ACTN2: variants seen among roughly 807,000 people sequenced by gnomAD.
ACTN2 encodes the protein actinin alpha 2.
Under a neutral mutation model 113.8 loss-of-function variants are expected in ACTN2, and 39 were observed. The ratio of observed to expected loss-of-function variants is 0.34; its 90% confidence interval spans 0.27 to 0.45. The LOEUF (loss-of-function observed/expected upper bound fraction) is 0.45, where lower values mean the gene tolerates loss of function less well. Ranked by LOEUF, ACTN2 falls within the 20% of genes least tolerant of loss-of-function variation. ACTN2 has a pLI of 1.00. For synonymous variants in ACTN2, 429 were observed against 444.1 expected (o/e 0.97, Z 0.43); for missense variants, 992 against 1,177.9 (o/e 0.84, Z 2.31).
chr1:236,701,250 C>CT (rs1033832530), intron 1 of ACTN2, among the ~76,000 whole-genome samples: 1 of 151,608 alleles, frequency 6.6e-6, no homozygotes, highest in South Asian at 2.1e-4. Context: ...ACCCAAGTGA[C>CT]TTTTTTTTTC....
At chr1:236,697,757 G>A (rs1657555201) in intron 1 of ACTN2, among the ~76,000 whole-genome samples, 1 of 142,676 alleles carries the variant, frequency 7.0e-6, no homozygotes, top group South Asian at 2.2e-4. Flanking sequence ...CACGAAACAA[G>A]TTCTTTTTTT....
At chr1:236,734,612 C>T (rs556689357) in intron 7 of ACTN2, 36 of 876,142 alleles carry the variant, frequency 4.1e-5, no homozygotes, top group South Asian at 7.1e-5. Context: ...CCCTCTCCTC[C>T]GAGTAAGGAG....
At chr1:236,734,638 G>C (rs1658812765) in intron 7 of ACTN2, 2 of 686,524 alleles carry the variant, frequency 2.9e-6, no homozygotes, top group Admixed American at 3.1e-5. Flanking sequence ...CTGGTTCCCA[G>C]GAGGCAGTTG....
Position 236,761,044 on chromosome 1 carries a change from C to G in ACTN2, c.2397C>G (p.Thr799=). The change falls in exon 20 of 21, where the codon ACC becomes ACG. Residue 799 remains threonine (T), a synonymous_variant. Transcript: ENST00000366578. ...LGEAEFARIM[T]LVDPNGQGTV... is the part of the protein sequence containing the mutation. The stretch of plus-strand genomic sequence containing the variant: ...AAGCCGAATTTGCCCGCATTATGAC[C>G]CTGGTAGATCCCAACGGGCAAGGCA... 6.2e-7 allele frequency: 1 copy of G among 1,614,162 alleles called. No homozygotes were observed. The highest frequency in any genetic ancestry group is 1.1e-5 in the South Asian group (1 of 91,076).
intron 1 of ACTN2, among the ~76,000 whole-genome samples, chr1:236,712,794 A>G (rs1658068895): frequency 6.6e-6 from 1 of 152,196 alleles, no homozygotes; most frequent in Non-Finnish European, 1.5e-5. Context: ...TGTATTATGA[A>G]GAGATTTAAA....
chr1:236,725,551 C>T (rs575495547), intron 4 of ACTN2, among the ~76,000 whole-genome samples: 5 of 152,136 alleles, frequency 3.3e-5, no homozygotes, highest in Non-Finnish European at 7.4e-5. Context: ...CTTTTGAACC[C>T]GGGAGGCAGA....
intron 4 of ACTN2, among the ~76,000 whole-genome samples, chr1:236,724,838 C>CTTTTT (rs5781922): frequency 2.2e-4 from 18 of 81,628 alleles, no homozygotes; most frequent in African/African-American, 6.3e-4. Context: ...TGGGTTTTTC[C>CTTTTT]TTTTTTTTTT....
chr1:236,727,480 C>G (rs1054095631), intron 5 of ACTN2, among the ~76,000 whole-genome samples, 198 bp from the exon 6 acceptor site: 1 of 151,916 alleles, frequency 6.6e-6, no homozygotes, highest in South Asian at 2.1e-4. Flanking sequence ...GCAAGGAAGT[C>G]AAAAGGAGAG....
intron 18 of ACTN2, 96 bp downstream of exon 18, chr1:236,757,728 A>G: frequency 6.7e-7 from 1 of 1,488,450 alleles, no homozygotes; most frequent in South Asian, 1.1e-5. Flanking sequence ...TTAAGGCTCC[A>G]CAACATTTAC....
intron 1 of ACTN2, among the ~76,000 whole-genome samples, chr1:236,709,175 A>G (rs1197858863): frequency 1.4e-5 from 2 of 141,898 alleles, no homozygotes; most frequent in East Asian, 2.1e-4. Context: ...TCTCCTCTCA[A>G]TAATCTTTTG....
rs367772753 is a variant in ACTN2, at chr1:236,690,423, TCA to T, written c.126+3625_126+3626del. Among the ~76,000 whole-genome samples, 6 of 152,328 alleles carry T rather than the reference TCA, an allele frequency of 3.9e-5. No homozygotes were observed. The East Asian group carries it at 1.2e-3, about 29-fold the overall frequency. On this transcript the variant is annotated intron_variant, in intron 1 of 20. Transcript: ENST00000366578. ...ATTAACAGAAAGCTTGTGACATTTCTCAGATTCATGAGACCCAGATGAGTCGA... is the reference window on the plus strand; with the variant it reads ...ATTAACAGAAAGCTTGTGACATTTCTGATTCATGAGACCCAGATGAGTCGA...
intron 1 of ACTN2, among the ~76,000 whole-genome samples, chr1:236,713,097 A>T (rs1462437155): frequency 1.3e-5 from 2 of 152,106 alleles, no homozygotes; most frequent in Admixed American, 6.6e-5. Flanking sequence ...CAACCCAAAT[A>T]TTCGTTCATA....
intron 1 of ACTN2, among the ~76,000 whole-genome samples, chr1:236,708,741 C>G (rs536317942): frequency 6.6e-6 from 1 of 152,250 alleles, no homozygotes; most frequent in African/African-American, 2.4e-5. Context: ...TGTAGTGAAC[C>G]AGTATGTTCT....
chr1:236,721,376 C>T (rs1483623461), intron 4 of ACTN2, among the ~76,000 whole-genome samples: 3 of 152,034 alleles, frequency 2.0e-5, no homozygotes, highest in Non-Finnish European at 4.4e-5. Flanking sequence ...CAACACTTTG[C>T]CTACTTGTAC....
At chr1:236,709,255 T>TATACAC (rs796606511) in intron 1 of ACTN2, among the ~76,000 whole-genome samples, 112 of 68,888 alleles carry the variant, frequency 1.6e-3, no homozygotes, top group South Asian at 3.5e-3. Context: ...TATATATATA[T>TATACAC]ACACACACAC....
intron 1 of ACTN2, among the ~76,000 whole-genome samples, chr1:236,700,345 G>C (rs1657636904): frequency 6.6e-6 from 1 of 152,068 alleles, no homozygotes; most frequent in Admixed American, 6.6e-5. Context: ...ACCACACCCA[G>C]CTAATTGTCA....
Position 236,686,719 on chromosome 1 carries a change from G to C in ACTN2, c.46G>C (p.Glu16Gln). 6.4e-7 allele frequency: 1 copy of C among 1,568,268 alleles called. No individual in the cohort carries two copies. ...PGVQYNYVYD[E>Q]DEYMIQEEEW... ...CGTGCAGTACAACTACGTGTACGACGAGGATGAGTACATGATCCAGGAGGA... is the reference window on the plus strand; with the variant it reads ...CGTGCAGTACAACTACGTGTACGACCAGGATGAGTACATGATCCAGGAGGA... The change falls in exon 1 of 21, where the codon GAG becomes CAG. Residue 16 changes from glutamate (E) to glutamine (Q), a missense_variant. Around this residue, in one of 3 missense-constraint regions of ACTN2, gnomAD observed 36 missense variants for 25.0 expected, o/e 1.44. Transcript: ENST00000366578.
At chr1:236,753,878 C>G in intron 15 of ACTN2, 69 bp from the exon 16 acceptor site, 1 of 1,499,726 alleles carries the variant, frequency 6.7e-7, no homozygotes, top group Non-Finnish European at 9.2e-7. Context: ...GGACTATTCC[C>G]GCATTCTGTG....
intron 1 of ACTN2, among the ~76,000 whole-genome samples, chr1:236,704,675 GT>G (rs1481346862): frequency 6.6e-6 from 1 of 152,164 alleles, no homozygotes; most frequent in Non-Finnish European, 1.5e-5. Flanking sequence ...ATAGGGTGAG[GT>G]ATGGGGGAAA....
Sources: gnomAD v4.1 joint callset for allele counts (sites outside exome capture counted in the v4.1 genomes callset) on GRCh38, gnomAD v4.1.1 for gene constraint, gnomAD v4.1.1 regional missense constraint, MANE v1.5 for transcripts, NCBI Gene and HGNC (gene_info 2026-07-23, HGNC 2026-07-21) for gene names.